The following PCDHA4 variants were observed in gnomAD, a reference collection of about 807,000 sequenced individuals.
PCDHA4 encodes the protein protocadherin alpha 4.
PCDHA4 carries 49 observed loss-of-function variants against 61.4 expected under a neutral mutation model. The ratio of observed to expected loss-of-function variants is 0.80; its 90% CI spans 0.63 to 1.01. PCDHA4 has a LOEUF of 1.01. Ranked by LOEUF, PCDHA4 falls within the 50% of genes least tolerant of loss-of-function variation. PCDHA4 has a pLI of 0.00. For missense variants in PCDHA4, 1,254 were observed against 1,235.8 expected, an observed-to-expected ratio of 1.01 and a Z score of -0.22; for synonymous variants, 590 against 550.3, an observed-to-expected ratio of 1.07 and a Z score of -1.01.
chr5:140,863,773 C>T (rs1170536480), intron 1 of PCDHA4: 19 of 234,462 alleles, frequency 8.1e-5, no homozygotes, highest in African/African-American at 3.6e-4. Context: ...CCGAGGCGGG[C>T]GGATCACTCG....
chr5:140,858,159 C>T lies in PCDHA4; in HGVS notation c.2385+48587C>T, dbSNP rs782574934. The T allele has an allele frequency of 3.8e-6, 6 of 1,597,644 alleles. No homozygotes were observed. In the Admixed American group the frequency reaches 5.1e-5, roughly 13 times the overall value. On this transcript the variant is annotated intron_variant, in intron 1 of 3. Coordinates refer to ENST00000530339, the MANE Select transcript of PCDHA4 (RefSeq NM_018907.4). ...GTGTACCTGATCATCGCCATCTGCG[C>T]GGTGTCCAGCTTGCTGGTGCTCACG...
chr5:140,836,694 G>A (rs1249098151), intron 1 of PCDHA4: 9 of 1,613,292 alleles, frequency 5.6e-6, no homozygotes, highest in Non-Finnish European at 7.6e-6. Flanking sequence ...AGACCTCATG[G>A]CCTTCAGTCC....
At chr5:140,842,325 C>A in intron 1 of PCDHA4, 2 of 1,607,094 alleles carry the variant, frequency 1.2e-6, no homozygotes, top group Non-Finnish European at 8.5e-7. Context: ...GGTCATTGCA[C>A]CGTTTTAGTG....
At chr5:140,833,341 A>G (rs1049850586) in intron 1 of PCDHA4, among the ~76,000 whole-genome samples, 8 of 152,226 alleles carry the variant, frequency 5.3e-5, no homozygotes, top group African/African-American at 1.9e-4. Context: ...GGAGTGAAAC[A>G]TTCCAGAAAA....
At chr5:140,882,343 G>T (rs1554173636) in intron 1 of PCDHA4, 1 of 1,614,198 alleles carries the variant, frequency 6.2e-7, no homozygotes, top group Admixed American at 1.7e-5. Context: ...CAGCCTGGGA[G>T]ACGGGTAGTG....
At chr5:140,862,745 A>G (rs1403297614) in intron 1 of PCDHA4, 1 of 578,200 alleles carries the variant, frequency 1.7e-6, no homozygotes, top group Non-Finnish European at 3.3e-6. Context: ...GTGTGGGTGC[A>G]CGCGGAGAGC....
intron 1 of PCDHA4, chr5:140,860,456 A>T (rs2046407427): frequency 6.6e-6 from 1 of 152,196 alleles, no homozygotes; most frequent in Non-Finnish European, 1.5e-5. Context: ...AATTCACGTG[A>T]TAATACAGTT....
At chr5:140,829,963 G>C (rs2150178705) in intron 1 of PCDHA4, 2 of 1,614,006 alleles carry the variant, frequency 1.2e-6, no homozygotes, top group South Asian at 1.1e-5. Context: ...CGTTTCGCGT[G>C]GGGCTGTACA....
At chr5:140,968,141 A>G in intron 1 of PCDHA4, 1 of 1,614,110 alleles carries the variant, frequency 6.2e-7, no homozygotes, top group Non-Finnish European at 8.5e-7. Context: ...GAAGGTTGAG[A>G]TCTCTGACAT....
intron 1 of PCDHA4, chr5:140,883,358 C>A (rs1554177826): frequency 6.2e-7 from 1 of 1,614,192 alleles, no homozygotes; most frequent in South Asian, 1.1e-5. Context: ...AGAAGACACT[C>A]AGCCTAGCGC....
chr5:140,961,982 C>T (rs1367678374), intron 1 of PCDHA4, among the ~76,000 whole-genome samples: 2 of 151,650 alleles, frequency 1.3e-5, no homozygotes, highest in African/African-American at 4.9e-5. Context: ...CTCCTGGGTT[C>T]ACGCCATTGT....
chr5:140,877,727 A>C, intron 1 of PCDHA4: 1 of 1,614,136 alleles, frequency 6.2e-7, no homozygotes, highest in South Asian at 1.1e-5. Flanking sequence ...TCTTACTCGC[A>C]GCAGAGGAGG....
intron 1 of PCDHA4, chr5:140,842,083 C>G: frequency 6.2e-7 from 1 of 1,613,822 alleles, no homozygotes; most frequent in Non-Finnish European, 8.5e-7. Flanking sequence ...TATTCGAAAA[C>G]GCAGACAACG....
Position 140,835,536 on chromosome 5 carries a change from G to C in PCDHA4, c.2385+25964G>C, listed in dbSNP as rs1220164308. 1.9e-6 allele frequency: 3 copies of C among 1,613,822 alleles called. 1 individual carries two copies. Among genetic ancestry groups the C allele is most frequent in the East Asian group, 4.5e-5 (2 of 44,840 alleles). ...CCGAGATTTTGGAGTCAACGGACAG[G>C]TTACCTGCTCCCTGACGCCCCGCGT... On this transcript the variant is annotated intron_variant, in intron 1 of 3. Coordinates refer to ENST00000530339, the MANE Select transcript of PCDHA4 (RefSeq NM_018907.4).
At chr5:140,957,398 T>A (rs1162675184) in intron 1 of PCDHA4, among the ~76,000 whole-genome samples, 1 of 152,186 alleles carries the variant, frequency 6.6e-6, no homozygotes, top group Non-Finnish European at 1.5e-5. Flanking sequence ...ATTGTCCTAA[T>A]TTATTATTAT....
chr5:140,864,844 C>T (rs894176807), intron 1 of PCDHA4: 3 of 152,100 alleles, frequency 2.0e-5, no homozygotes, highest in Admixed American at 2.0e-4. Context: ...AGAGAGTCTT[C>T]CCATACATGA....
intron 1 of PCDHA4, chr5:140,884,185 G>T (rs1554181312): frequency 6.2e-7 from 1 of 1,613,444 alleles, no homozygotes. Context: ...CTCTGGACGA[G>T]GTGGACGCGC....
At position 140,809,344 on chromosome 5, in the gene PCDHA4, C is replaced by G. The variant is rs782610697; in HGVS notation, c.2157C>G (p.Thr719=). The part of the protein sequence containing the change: ...SLLVLTLLLY[T]ALRCSALPTE... ...TGGTGCTCACGCTGCTGCTGTACAC[C>G]GCGCTGCGGTGCTCTGCGCTGCCCA... The change falls in exon 1 of 4, where the codon ACC becomes ACG. Residue 719 remains threonine (T), a synonymous_variant. Coordinates refer to ENST00000530339, the MANE Select transcript of PCDHA4 (RefSeq NM_018907.4). 5.6e-6 allele frequency: 9 copies of G among 1,613,964 alleles called. No homozygotes were observed. Among genetic ancestry groups the G allele is most frequent in the African/African-American group, 1.3e-5 (1 of 74,952 alleles).
intron 1 of PCDHA4, among the ~76,000 whole-genome samples, chr5:140,965,934 G>C (rs1186937423): frequency 6.6e-6 from 1 of 152,212 alleles, no homozygotes; most frequent in Non-Finnish European, 1.5e-5. Context: ...CTCCCGGAAA[G>C]AGGGCAGCAT....
Sources: gnomAD v4.1 joint callset for allele counts (sites outside exome capture counted in the v4.1 genomes callset) on GRCh38, gnomAD v4.1.1 for gene constraint, MANE v1.5 for transcripts, NCBI Gene and HGNC (gene_info 2026-07-23, HGNC 2026-07-21) for gene names.